The following FRMD4A variants were observed in gnomAD, a reference collection of about 807,000 sequenced individuals.
The protein encoded by FRMD4A is FERM domain containing 4A, also known as FERM domain-containing protein 4A.
In FRMD4A, 29 loss-of-function variants were observed where a neutral mutation model predicts 129.1. The ratio of observed to expected loss-of-function variants is 0.22; its 90% confidence interval spans 0.17 to 0.31. The LOEUF (loss-of-function observed/expected upper bound fraction) is 0.31, where lower values mean the gene tolerates loss of function less well. Among genes scored for constraint, FRMD4A ranks in the 10% least tolerant of loss-of-function variants. FRMD4A has a pLI of 1.00. For synonymous variants in FRMD4A, 634 were observed against 571.6 expected (o/e 1.11, Z -1.56); for missense variants, 1,272 against 1,375.8 (o/e 0.92, Z 1.19).
chr10:14,125,506 C>T (rs1213567388), intron 2 of FRMD4A, among the ~76,000 whole-genome samples: 1 of 152,112 alleles, frequency 6.6e-6, no homozygotes, highest in East Asian at 1.9e-4. Context: ...TGGATGACCT[C>T]TTTAAACATA....
chr10:13,824,940 G>A (rs534425001), intron 3 of FRMD4A, among the ~76,000 whole-genome samples: 2 of 147,736 alleles, frequency 1.4e-5, no homozygotes, highest in Admixed American at 6.8e-5. Context: ...ATGATTTCAA[G>A]TATACAGGAG....
chr10:13,880,733 G>T (rs2094537382), intron 2 of FRMD4A, among the ~76,000 whole-genome samples: 1 of 151,980 alleles, frequency 6.6e-6, no homozygotes, highest in Non-Finnish European at 1.5e-5. Context: ...CACCCACCTG[G>T]CTTACCTCCT....
chr10:13,744,182 G>T (rs1181741376), intron 9 of FRMD4A, among the ~76,000 whole-genome samples: 1 of 152,084 alleles, frequency 6.6e-6, no homozygotes, highest in Non-Finnish European at 1.5e-5. Context: ...TGGTTTCGGG[G>T]TTAAAAATAG....
chr10:14,127,777 T>C (rs542646726), intron 2 of FRMD4A, among the ~76,000 whole-genome samples: 1 of 152,308 alleles, frequency 6.6e-6, no homozygotes, highest in Admixed American at 6.5e-5. Flanking sequence ...TCAAAATACC[T>C]TTGGTCCATC....
At chr10:14,125,178 C>T (rs188807669) in intron 2 of FRMD4A, among the ~76,000 whole-genome samples, 2 of 152,286 alleles carry the variant, frequency 1.3e-5, no homozygotes, top group Non-Finnish European at 2.9e-5. Flanking sequence ...TGATCACCGT[C>T]GATGACTATG....
At chr10:13,963,572 T>C (rs940072175) in intron 2 of FRMD4A, among the ~76,000 whole-genome samples, 19 of 152,220 alleles carry the variant, frequency 1.2e-4, no homozygotes, top group African/African-American at 4.6e-4. Flanking sequence ...TTAGAGGAAT[T>C]GTCCTTTATT....
At chr10:13,948,075 T>C (rs1309755245) in intron 2 of FRMD4A, among the ~76,000 whole-genome samples, 1 of 151,800 alleles carries the variant, frequency 6.6e-6, no homozygotes, top group Non-Finnish European at 1.5e-5. Flanking sequence ...AAACACCTTA[T>C]CAGTGTGTTC....
At chr10:14,197,066 C>T (rs1409751) in intron 2 of FRMD4A, among the ~76,000 whole-genome samples, 1 of 152,056 alleles carries the variant, frequency 6.6e-6, no homozygotes, top group African/African-American at 2.4e-5. Context: ...AGAAACATCC[C>T]GATGGATATT....
At chr10:13,989,234 T>C (rs1031509035) in intron 2 of FRMD4A, among the ~76,000 whole-genome samples, 16 of 152,114 alleles carry the variant, frequency 1.1e-4, no homozygotes, top group African/African-American at 3.9e-4. Flanking sequence ...GGTCCTGGTG[T>C]TTTTGATTAT....
chr10:14,083,320 C>T (rs1588936023), intron 2 of FRMD4A: 1 of 152,210 alleles, frequency 6.6e-6, no homozygotes. Flanking sequence ...TCAAACCAAA[C>T]CTGAAGCACT....
intron 2 of FRMD4A, among the ~76,000 whole-genome samples, chr10:14,044,606 A>T (rs999955498): frequency 6.6e-6 from 1 of 152,242 alleles, no homozygotes; most frequent in African/African-American, 2.4e-5. Flanking sequence ...GCTGGCAAGC[A>T]GCAGGAGCTG....
intron 2 of FRMD4A, among the ~76,000 whole-genome samples, chr10:14,079,536 A>G (rs1835807003): frequency 6.6e-6 from 1 of 152,200 alleles, no homozygotes; most frequent in Non-Finnish European, 1.5e-5. Flanking sequence ...TGTACTAATA[A>G]TCAAGCCCCT....
At chr10:13,662,046 G>T (rs1402550745) in intron 19 of FRMD4A, among the ~76,000 whole-genome samples, 3 of 152,150 alleles carry the variant, frequency 2.0e-5, no homozygotes, top group Non-Finnish European at 4.4e-5. Context: ...CGGGGAAGAA[G>T]CTGGAATCAC....
chr10:13,814,277 A>G (rs1260260007), intron 3 of FRMD4A, among the ~76,000 whole-genome samples: 1 of 152,136 alleles, frequency 6.6e-6, no homozygotes, highest in Non-Finnish European at 1.5e-5. Context: ...AATAAAAATA[A>G]GATTTTGTTC....
intron 8 of FRMD4A, among the ~76,000 whole-genome samples, chr10:13,757,145 T>C (rs920320507): frequency 6.6e-6 from 1 of 152,258 alleles, no homozygotes; most frequent in African/African-American, 2.4e-5. Flanking sequence ...GTTTTTAAAC[T>C]GCATCGGTTC....
At chr10:14,151,171 A>G (rs2030171817) in intron 2 of FRMD4A, among the ~76,000 whole-genome samples, 1 of 152,178 alleles carries the variant, frequency 6.6e-6, no homozygotes, top group Admixed American at 6.5e-5. Context: ...TATCTACCCA[A>G]AGGAAAATAA....
intron 2 of FRMD4A, among the ~76,000 whole-genome samples, chr10:13,951,323 G>A (rs2095369041): frequency 6.6e-6 from 1 of 152,114 alleles, no homozygotes; most frequent in African/African-American, 2.4e-5. Context: ...AGGGAAGGAA[G>A]GAGAGAGGTA....
chr10:13,787,671 C>T (rs2092901818), intron 5 of FRMD4A, among the ~76,000 whole-genome samples: 1 of 151,926 alleles, frequency 6.6e-6, no homozygotes, highest in Admixed American at 6.6e-5. Context: ...GTTGCCCAGG[C>T]TGGTCTTGAA....
chr10:13,959,779 G>C (rs1369136847), intron 2 of FRMD4A, among the ~76,000 whole-genome samples: 7 of 152,158 alleles, frequency 4.6e-5, no homozygotes, highest in Non-Finnish European at 1.0e-4. Flanking sequence ...GCCATTCCTG[G>C]ATCAGAGCCC....
Sources: gnomAD v4.1 joint callset for allele counts (sites outside exome capture counted in the v4.1 genomes callset) on GRCh38, gnomAD v4.1.1 for gene constraint, MANE v1.5 for transcripts, NCBI Gene and HGNC (gene_info 2026-07-23, HGNC 2026-07-21) for gene names.